The following CPLANE1 variants were observed in gnomAD, a reference collection of about 807,000 sequenced individuals.
CPLANE1 encodes ciliogenesis and planar polarity effector complex subunit 1.
Under a neutral mutation model 362.5 loss-of-function variants are expected in CPLANE1, and 263 were observed. The ratio of observed to expected loss-of-function variants is 0.73; its 90% CI spans 0.66 to 0.80. The LOEUF is 0.80. CPLANE1 is among the 30% of genes least tolerant of loss of function. The pLI is 0.00. For synonymous variants in CPLANE1, 1,212 were observed against 1,302.6 expected, an observed-to-expected ratio of 0.93 and a Z score of 1.50; for missense variants, 3,461 against 3,793.4, an observed-to-expected ratio of 0.91 and a Z score of 2.30.
intron 43 of CPLANE1, among the ~76,000 whole-genome samples, chr5:37,143,937 A>C (rs1481022606): frequency 2.5e-4 from 10 of 39,676 alleles, no homozygotes; most frequent in Admixed American, 2.2e-3. Context: ...CTCTGTCTCG[A>C]AAAAAAAAAA....
chr5:37,140,799 G>A (rs1769472586), intron 44 of CPLANE1: 1 of 985,034 alleles, frequency 1.0e-6, no homozygotes, highest in Non-Finnish European at 1.2e-6. Flanking sequence ...CACGGCCACA[G>A]TACCTGTTTA....
chr5:37,190,389 G>A (rs1270295170), intron 21 of CPLANE1, among the ~76,000 whole-genome samples: 1 of 150,830 alleles, frequency 6.6e-6, no homozygotes, highest in Non-Finnish European at 1.5e-5. Context: ...GCAAAAAAGT[G>A]AGGCCCTGTC....
chr5:37,093,774 T>A, the CPLANE1 span, among the ~76,000 whole-genome samples: 1 of 151,756 alleles, frequency 6.6e-6, no homozygotes. Context: ...GATGTAGGGG[T>A]TCAGTCAGAA....
chr5:37,160,308 A>G (rs1776484341), intron 38 of CPLANE1, among the ~76,000 whole-genome samples: 1 of 152,152 alleles, frequency 6.6e-6, no homozygotes, highest in Non-Finnish European at 1.5e-5. Context: ...TAATCCCAGC[A>G]CTTTGGGAGG....
At chr5:37,127,519 T>A (rs1056456939) in intron 46 of CPLANE1, among the ~76,000 whole-genome samples, 6 of 149,718 alleles carry the variant, frequency 4.0e-5, no homozygotes, top group East Asian at 1.9e-4. Context: ...TATTTAATTT[T>A]TTTTTTTTTT....
intron 8 of CPLANE1, among the ~76,000 whole-genome samples, chr5:37,233,683 C>G (rs1279083558): frequency 6.6e-6 from 1 of 152,030 alleles, no homozygotes; most frequent in Non-Finnish European, 1.5e-5. Context: ...CCACACCATA[C>G]CAGATACCCA....
At chr5:37,141,359 G>GAGAAA (rs1769659009) in intron 44 of CPLANE1, 1 of 985,250 alleles carries the variant, frequency 1.0e-6, no homozygotes, top group Admixed American at 6.2e-5. Flanking sequence ...GAGAAGAGAA[G>GAGAAA]AGAAAAGCTA....
chr5:37,188,195 G>A (rs1263278031), intron 21 of CPLANE1, among the ~76,000 whole-genome samples: 2 of 151,606 alleles, frequency 1.3e-5, no homozygotes, highest in East Asian at 3.9e-4. Context: ...CTATATCTTA[G>A]ATATCTTTTC....
At chr5:37,205,281 C>T (rs1356527903) in intron 18 of CPLANE1, 34 bp downstream of exon 18, 1 of 1,490,478 alleles carries the variant, frequency 6.7e-7, no homozygotes, top group Non-Finnish European at 9.0e-7. Flanking sequence ...TTATATTAAT[C>T]TGACACGAAT....
chr5:37,086,152 G>C, the CPLANE1 span, among the ~76,000 whole-genome samples: 1 of 152,168 alleles, frequency 6.6e-6, no homozygotes, highest in African/African-American at 2.4e-5. Flanking sequence ...CATCAAGACA[G>C]TTAACAAAGA....
intron 1 of CPLANE1, among the ~76,000 whole-genome samples, chr5:37,248,213 C>T (rs1373024509): frequency 6.6e-6 from 1 of 151,978 alleles, no homozygotes; most frequent in African/African-American, 2.4e-5. Flanking sequence ...CTGCAACCTC[C>T]GCCTCCCGGG....
rs2150247879 is a variant in CPLANE1 at position 37,213,613 on chromosome 5, A to C, written c.2866T>G (p.Cys956Gly). ...TTCACATGATGAGGGGGCAAAATGC[A>C]AAGCTGCTGATTGGTGAAATAGGCA... is the stretch of plus-strand genomic sequence containing the variant. ...MAAYFTNQQL[C>G]ILPPHHVNVL... The change falls in exon 16 of 53, where the codon TGC (cysteine) becomes GGC (glycine). Residue 956 changes from cysteine (C) to glycine (G), a missense_variant. This residue lies in a region of CPLANE1 where 3,380 missense variants were observed against 3,666.1 expected (regional missense o/e 0.92). Transcript: ENST00000651892. The C allele has an allele frequency of 1.3e-6, 2 of 1,548,612 alleles. No individual in the cohort carries two copies. Among genetic ancestry groups the C allele is most frequent in the Non-Finnish European group, 1.7e-6 (2 of 1,145,000 alleles).
the CPLANE1 span, among the ~76,000 whole-genome samples, chr5:37,095,414 G>A: frequency 6.6e-6 from 1 of 152,044 alleles, no homozygotes; most frequent in African/African-American, 2.4e-5. Flanking sequence ...CAGCAAAATC[G>A]GCATACAAGG....
rs1740962018 is a variant in CPLANE1 at position 37,249,292 on chromosome 5, G to A, written c.-95C>T. 1 of 152,408 alleles carries A rather than the reference G, an allele frequency of 6.6e-6. No individual in the cohort carries two copies. Among genetic ancestry groups the A allele is most frequent in the African/African-American group, 2.4e-5 (1 of 41,472 alleles). 9.4% of individuals were successfully genotyped at this position (152,408 alleles called of 1,614,324 possible). On this transcript the variant is annotated 5_prime_UTR_variant, in exon 1 of 53. Transcript: ENST00000651892. ...CCAGTCAGGCGCGAGAAGGCTAGGC[G>A]AGGCCGACTGCGCGGGGTGAAGACG...
chr5:37,082,051 C>T, the CPLANE1 span, among the ~76,000 whole-genome samples: 6 of 151,344 alleles, frequency 4.0e-5, no homozygotes, highest in African/African-American at 1.2e-4. Context: ...CAAGATCGCG[C>T]CATTGCACTC....
At chr5:37,157,556 T>C in intron 40 of CPLANE1, 114 bp downstream of exon 40, 1 of 1,131,480 alleles carries the variant, frequency 8.8e-7, no homozygotes, top group Non-Finnish European at 1.3e-6. Flanking sequence ...CATGTAAACA[T>C]CCAAAAATAC....
At chr5:37,090,507 T>C in the CPLANE1 span, among the ~76,000 whole-genome samples, 1 of 152,332 alleles carries the variant, frequency 6.6e-6, no homozygotes, top group East Asian at 1.9e-4. Context: ...CAAATAGCTT[T>C]CTCTGATTAC....
Position 37,221,319 on chromosome 5 carries a change from CA to C in CPLANE1, c.2746+4del. 6.8e-7 allele frequency: 1 copy of C among 1,480,204 alleles called. No homozygotes were observed. The allele number at this position is 1,480,204 out of a possible 1,614,324, so 91.7% of individuals were successfully genotyped here. ...AAATACAAAGAAAGAAAAAAAAAAG[CA>C]TACCTGAAAAATCTTTATTTTCTTT... On this transcript the variant is annotated splice_donor_region_variant and intron_variant, in intron 15 of 52. Transcript: ENST00000651892.
chr5:37,119,184 T>G (rs1382302541), intron 50 of CPLANE1, among the ~76,000 whole-genome samples: 2 of 152,148 alleles, frequency 1.3e-5, no homozygotes, highest in Non-Finnish European at 2.9e-5. Context: ...GGGAAAATAA[T>G]TTTCAAAGGA....
Sources: allele counts gnomAD v4.1 joint callset (sites outside exome capture counted in the v4.1 genomes callset), GRCh38; gene constraint gnomAD v4.1.1; regional missense constraint gnomAD v4.1.1; transcripts MANE v1.5; gene names NCBI Gene and HGNC (gene_info 2026-07-23, HGNC 2026-07-21).